The following HS3ST5 variants were observed in gnomAD, a reference collection of about 807,000 sequenced individuals.
HS3ST5 encodes heparan sulfate-glucosamine 3-sulfotransferase 5, also known as heparan sulfate glucosamine 3-O-sulfotransferase 5.
A neutral mutation model predicts 25.4 loss-of-function variants in HS3ST5; 10 were observed. That is an observed-to-expected ratio of 0.39 (90% CI 0.24 to 0.67). The LOEUF (loss-of-function observed/expected upper bound fraction) is 0.67, where lower values mean the gene tolerates loss of function less well. HS3ST5 is among the 30% of genes least tolerant of loss of function. The pLI is 0.44. For missense variants in HS3ST5, 324 were observed against 420.7 expected (o/e 0.77, Z 2.01); for synonymous variants, 170 against 162.4 (o/e 1.05, Z -0.36).
chr6:114,247,758 C>CG, intron 1 of HS3ST5, among the ~76,000 whole-genome samples: 1 of 150,684 alleles, frequency 6.6e-6, no homozygotes, highest in South Asian at 2.1e-4. Flanking sequence ...ATTTAATATC[C>CG]ATATTTTTTC....
intron 2 of HS3ST5, among the ~76,000 whole-genome samples, chr6:114,209,351 T>C (rs1323628251): frequency 6.6e-6 from 1 of 152,152 alleles, no homozygotes; most frequent in Non-Finnish European, 1.5e-5. Flanking sequence ...AAAAAACTTG[T>C]GTATTTTTTA....
rs548114481 is a variant in HS3ST5 at position 114,171,938 on chromosome 6, T to A, written c.-144-3476A>T. Among the ~76,000 whole-genome samples the A allele has an allele frequency of 2.8e-4, 42 of 152,340 alleles. 1 individual carries two copies. Among genetic ancestry groups the A allele is most frequent in the Middle Eastern group, 6.8e-3 (2 of 294 alleles). Reference sequence around the variant, plus strand: ...TGCCCCCAATCTTAGTGTCCTTTTATACAAATATTAATATATGCAGAATTC... The same window carrying A: ...TGCCCCCAATCTTAGTGTCCTTTTAAACAAATATTAATATATGCAGAATTC... On this transcript the variant is annotated intron_variant, in intron 2 of 4. Transcript: ENST00000312719.
intron 2 of HS3ST5, among the ~76,000 whole-genome samples, chr6:114,195,720 G>A (rs1407086064): frequency 6.6e-6 from 1 of 152,166 alleles, no homozygotes; most frequent in East Asian, 1.9e-4. Flanking sequence ...GGAAGGATAA[G>A]AGTGAACTTC....
At chr6:114,069,489 T>C (rs9488318) in intron 3 of HS3ST5, among the ~76,000 whole-genome samples, 27,882 of 151,510 alleles carry the variant, frequency 0.18, 3,093 homozygotes, top group South Asian at 0.29. Context: ...GCACCAGTCA[T>C]AGAGCTTTGG....
intron 2 of HS3ST5, among the ~76,000 whole-genome samples, chr6:114,191,239 TGATCTCTCTCCTTATTTTCAATTACA>T (rs537147294): frequency 9.3e-4 from 141 of 152,304 alleles, no homozygotes; most frequent in African/African-American, 3.3e-3. Flanking sequence ...CTCTCTCTTT[TGATCTCTCTCCTTATTTTCAATTACA>T]GAGTAATTAC....
At chr6:114,304,093 T>G (rs1775193508) in intron 1 of HS3ST5, among the ~76,000 whole-genome samples, 1 of 152,024 alleles carries the variant, frequency 6.6e-6, no homozygotes, top group African/African-American at 2.4e-5. Context: ...ATACAAGATG[T>G]CAGAAGTATT....
At chr6:114,245,939 G>A (rs1010707720) in intron 1 of HS3ST5, among the ~76,000 whole-genome samples, 1 of 152,132 alleles carries the variant, frequency 6.6e-6, no homozygotes, top group African/African-American at 2.4e-5. Flanking sequence ...AAAAATTTTC[G>A]TGGAAAGGGT....
intron 3 of HS3ST5, among the ~76,000 whole-genome samples, chr6:114,141,839 C>T (rs751642443): frequency 1.0e-4 from 15 of 147,098 alleles, no homozygotes; most frequent in Admixed American, 2.8e-4. Flanking sequence ...CAGCTTTCTG[C>T]TCTATCTAAG....
intron 2 of HS3ST5, among the ~76,000 whole-genome samples, chr6:114,193,372 C>G (rs1309147578): frequency 6.6e-6 from 1 of 152,138 alleles, no homozygotes; most frequent in African/African-American, 2.4e-5. Flanking sequence ...TGTAGCAAGC[C>G]AAAAGATGGA....
chr6:114,259,832 C>T (rs1773089807), intron 1 of HS3ST5, among the ~76,000 whole-genome samples: 1 of 152,056 alleles, frequency 6.6e-6, no homozygotes, highest in African/African-American at 2.4e-5. Flanking sequence ...TTTCATGAAA[C>T]ATCTGAAAAA....
intron 4 of HS3ST5, among the ~76,000 whole-genome samples, chr6:114,060,257 C>T (rs1161963785): frequency 6.6e-6 from 1 of 152,206 alleles, no homozygotes; most frequent in Non-Finnish European, 1.5e-5. Context: ...CGTGATTCGC[C>T]TGCCTCAGCC....
chr6:114,275,667 C>T (rs1431961510), intron 1 of HS3ST5, among the ~76,000 whole-genome samples: 3 of 151,964 alleles, frequency 2.0e-5, no homozygotes, highest in Non-Finnish European at 4.4e-5. Flanking sequence ...TCAACTCTGC[C>T]ATTATAGCAT....
chr6:114,282,517 C>T (rs1285892711), intron 1 of HS3ST5, among the ~76,000 whole-genome samples: 1 of 152,012 alleles, frequency 6.6e-6, no homozygotes, highest in African/African-American at 2.4e-5. Context: ...GAGGATACAG[C>T]TGCCTCCATG....
chr6:114,214,646 G>C (rs1025901190), intron 2 of HS3ST5, among the ~76,000 whole-genome samples: 7 of 152,178 alleles, frequency 4.6e-5, no homozygotes, highest in African/African-American at 1.7e-4. Context: ...ATTAAATACT[G>C]AGTTGTATGC....
At chr6:114,205,273 C>A (rs1781220580) in intron 2 of HS3ST5, among the ~76,000 whole-genome samples, 1 of 152,082 alleles carries the variant, frequency 6.6e-6, no homozygotes, top group South Asian at 2.1e-4. Context: ...CAATAACCAG[C>A]CTATTAGGTA....
At chr6:114,081,251 C>T (rs557676007) in intron 3 of HS3ST5, among the ~76,000 whole-genome samples, 1 of 152,100 alleles carries the variant, frequency 6.6e-6, no homozygotes, top group East Asian at 1.9e-4. Context: ...GTTTAAAATA[C>T]TGAGGGAATT....
At chr6:114,203,709 T>C (rs986367056) in intron 2 of HS3ST5, among the ~76,000 whole-genome samples, 3 of 152,128 alleles carry the variant, frequency 2.0e-5, no homozygotes, top group Non-Finnish European at 4.4e-5. Flanking sequence ...CTCTTCTGAT[T>C]TCATCCCCAA....
At chr6:114,108,524 A>C (rs187597153) in intron 3 of HS3ST5, among the ~76,000 whole-genome samples, 1 of 152,238 alleles carries the variant, frequency 6.6e-6, no homozygotes, top group East Asian at 1.9e-4. Flanking sequence ...CAGTGCACAC[A>C]CTGGAACCCA....
intron 3 of HS3ST5, among the ~76,000 whole-genome samples, chr6:114,093,840 AGG>A (rs1212861499): frequency 6.6e-6 from 1 of 152,236 alleles, no homozygotes; most frequent in Admixed American, 6.5e-5. Context: ...ATAATTGAAT[AGG>A]CAGGTACATT....
Sources: gnomAD v4.1 joint callset for allele counts (sites outside exome capture counted in the v4.1 genomes callset) on GRCh38, gnomAD v4.1.1 for gene constraint, MANE v1.5 for transcripts, NCBI Gene and HGNC (gene_info 2026-07-23, HGNC 2026-07-21) for gene names.